The following CUX1 variants were observed in gnomAD, a reference collection of about 807,000 sequenced individuals.
The protein encoded by CUX1 is cut like homeobox 1.
In CUX1, 31 loss-of-function variants were observed where a neutral mutation model predicts 158.8. The observed-to-expected ratio is 0.20, with a 90% CI of 0.15 to 0.26. CUX1 has a LOEUF of 0.26. CUX1 is among the 10% of genes least tolerant of loss of function. CUX1 has a pLI of 1.00. For synonymous variants in CUX1, 879 were observed against 862.1 expected, an observed-to-expected ratio of 1.02 and a Z score of -0.34; for missense variants, 1,589 against 2,014.6, an observed-to-expected ratio of 0.79 and a Z score of 4.04.
At chr7:101,820,676 C>T (rs1792367387) in intron 1 of CUX1, among the ~76,000 whole-genome samples, 2 of 152,170 alleles carry the variant, frequency 1.3e-5, no homozygotes, top group Admixed American at 1.3e-4. Context: ...GTTTTGGTTT[C>T]CACCGAAATT....
intron 2 of CUX1, among the ~76,000 whole-genome samples, chr7:101,939,072 T>C (rs1408016243): frequency 2.2e-3 from 11 of 4,986 alleles, no homozygotes; most frequent in South Asian, 0.019. Context: ...TATATATATA[T>C]ATATATATAT....
chr7:102,060,702 T>G (rs1197546326), intron 3 of CUX1, among the ~76,000 whole-genome samples: 6 of 149,688 alleles, frequency 4.0e-5, no homozygotes, highest in African/African-American at 1.5e-4. Flanking sequence ...AACCTCCACC[T>G]TCTGGGTTCA....
At chr7:102,182,556 C>T (rs1393332286) in intron 11 of CUX1, among the ~76,000 whole-genome samples, 8 of 152,188 alleles carry the variant, frequency 5.3e-5, no homozygotes, top group African/African-American at 1.7e-4. Flanking sequence ...CCGCTATCCA[C>T]GTGTGTCATG....
chr7:102,028,441 C>T (rs6465845), intron 3 of CUX1, among the ~76,000 whole-genome samples: 126,921 of 152,194 alleles, frequency 0.83, 53,178 homozygotes, highest in East Asian at 0.99. Context: ...CTACGGCCTT[C>T]AGGAGCCCAT....
At chr7:101,896,349 C>T (rs1801516498) in intron 1 of CUX1, among the ~76,000 whole-genome samples, 1 of 152,142 alleles carries the variant, frequency 6.6e-6, no homozygotes, top group African/African-American at 2.4e-5. Flanking sequence ...GGGACATGCA[C>T]AGTAAGCGTC....
chr7:102,081,309 T>C (rs1827376886), intron 4 of CUX1, among the ~76,000 whole-genome samples: 1 of 117,036 alleles, frequency 8.5e-6, no homozygotes, highest in African/African-American at 2.6e-5. Context: ...CGCAGGTGCT[T>C]TGGCCACTGA....
rs2132064163 is a variant in CUX1, at chr7:102,204,372, G to A, written c.2908-19G>A. ...TAATAGCCAGGCACTGATGGCCTGT[G>A]TGTTCGGTGCCACTCCAGGTGCTGG... On this transcript the variant is annotated intron_variant, in intron 18 of 23. Coordinates refer to ENST00000292535, the MANE Select transcript of CUX1 (RefSeq NM_181552.4). The A allele has an allele frequency of 6.2e-7, 1 of 1,612,274 alleles. No homozygotes were observed. Among genetic ancestry groups the A allele is most frequent in the East Asian group, 2.2e-5 (1 of 44,866 alleles).
intron 4 of CUX1, among the ~76,000 whole-genome samples, chr7:102,080,486 A>T (rs1554478263): frequency 6.6e-6 from 1 of 152,136 alleles, no homozygotes; most frequent in African/African-American, 2.4e-5. Flanking sequence ...TTGTGATGTC[A>T]TCGCGGGGAC....
chr7:102,061,482 A>G (rs10244039), intron 3 of CUX1, among the ~76,000 whole-genome samples: 10,548 of 152,228 alleles, frequency 0.069, 572 homozygotes, highest in African/African-American at 0.15. Flanking sequence ...CTGTTTTCCA[A>G]GGGCTGCCAC....
chr7:101,968,019 C>G (rs1397603921), intron 2 of CUX1, among the ~76,000 whole-genome samples: 2 of 152,138 alleles, frequency 1.3e-5, no homozygotes, highest in Non-Finnish European at 2.9e-5. Context: ...CTCCCCCTGC[C>G]TCAGCCTCCC....
intron 3 of CUX1, among the ~76,000 whole-genome samples, chr7:102,032,818 C>T (rs920289856): frequency 6.6e-6 from 1 of 152,148 alleles, no homozygotes; most frequent in Non-Finnish European, 1.5e-5. Context: ...GTTTCACAAG[C>T]CCAGCAAATT....
chr7:102,049,280 C>A (rs1455153828), intron 3 of CUX1, among the ~76,000 whole-genome samples: 2 of 152,238 alleles, frequency 1.3e-5, no homozygotes, highest in Non-Finnish European at 2.9e-5. Context: ...ATCCCTTCAG[C>A]AACAGCTGCG....
intron 5 of CUX1, among the ~76,000 whole-genome samples, chr7:102,103,269 G>T (rs1829975586): frequency 6.6e-6 from 1 of 152,116 alleles, no homozygotes; most frequent in Admixed American, 6.5e-5. Context: ...TCCAGGGTGG[G>T]TCCCTTCCAG....
rs1328613046 is a variant in CUX1 at position 101,999,217 on chromosome 7, C to T, written c.142-28881C>T. Among the ~76,000 whole-genome samples, 5 of 85,840 alleles carry T rather than the reference C, an allele frequency of 5.8e-5. No homozygotes were observed. In the South Asian group the frequency reaches 1.6e-3, roughly 27 times the overall value. The allele number at this position is 85,840 out of a possible 152,430, so 56.3% of individuals were successfully genotyped here. A position where few individuals can be genotyped will look rare whatever the true frequency, so the allele number is the denominator to read the frequency against. ...CTTTCCTTTACAAACTTTTTTTTACCTTTTTTTTTTTTTTTTTTTTTTTAA... is the reference window on the plus strand; with the variant it reads ...CTTTCCTTTACAAACTTTTTTTTACTTTTTTTTTTTTTTTTTTTTTTTTAA... On this transcript the variant is annotated intron_variant, in intron 2 of 23. Transcript: ENST00000292535.
intron 1 of CUX1, among the ~76,000 whole-genome samples, chr7:101,835,290 C>T (rs115075146): frequency 0.016 from 2,405 of 152,178 alleles, 52 homozygotes; most frequent in African/African-American, 0.055. Flanking sequence ...ACAGTGTTTG[C>T]GGGGCTCACC....
chr7:102,036,331 T>C (rs1821419948), intron 3 of CUX1, among the ~76,000 whole-genome samples: 1 of 151,920 alleles, frequency 6.6e-6, no homozygotes, highest in East Asian at 1.9e-4. Flanking sequence ...AAATGGTAAA[T>C]AATAGTGAAG....
At chr7:102,282,677 C>G in intron 21 of CUX1, 1 of 1,605,770 alleles carries the variant, frequency 6.2e-7, no homozygotes, top group Non-Finnish European at 8.5e-7. Flanking sequence ...GGCCTTGAGG[C>G]GAACGGGCAG....
rs1424806309 is a variant in CUX1 at position 102,256,558 on chromosome 7, C to T, written c.*7516C>T. 3 of 985,284 alleles carry T rather than the reference C, an allele frequency of 3.0e-6. No homozygotes were observed. The highest frequency in any genetic ancestry group is 1.7e-5 in the African/African-American group (1 of 57,236). 61.0% of individuals were successfully genotyped at this position (985,284 alleles called of 1,614,324 possible). A position where few individuals can be genotyped will look rare whatever the true frequency, so the allele number is the denominator to read the frequency against. The stretch of plus-strand genomic sequence containing the variant: ...ATCAAACACCTGTCTCCAGAGTAGC[C>T]ACTCAAAAACTGGTGGTCTCTATGT... On this transcript the variant is annotated 3_prime_UTR_variant, in exon 24 of 24. Coordinates refer to ENST00000292535, the MANE Select transcript of CUX1 (RefSeq NM_181552.4).
In CUX1 at chr7:102,097,612, CGT is replaced by C. The variant is rs1323642583; in HGVS notation, c.406+112_406+113del. 14 of 1,122,310 alleles carry C rather than the reference CGT, an allele frequency of 1.2e-5. No individual in the cohort carries two copies. The East Asian group carries it at 2.9e-4, about 23-fold the overall frequency. The allele number at this position is 1,122,310 out of a possible 1,614,324, so 69.5% of individuals were successfully genotyped here. On this transcript the variant is annotated intron_variant, in intron 5 of 23. Coordinates refer to ENST00000292535, the MANE Select transcript of CUX1 (RefSeq NM_181552.4). ...AGACCAGCTCTCCTTGTAATATACA[CGT>C]CATAAAGTCAGGGTGGGGCAGGAAT...
Sources: allele counts gnomAD v4.1 joint callset (sites outside exome capture counted in the v4.1 genomes callset), GRCh38; gene constraint gnomAD v4.1.1; transcripts MANE v1.5; gene names NCBI Gene and HGNC (gene_info 2026-07-23, HGNC 2026-07-21).